GAD2: variants seen among roughly 807,000 people sequenced by gnomAD.
The protein encoded by GAD2 is glutamate decarboxylase 2, also known as 65 kDa glutamic acid decarboxylase.
A neutral mutation model predicts 80.1 loss-of-function variants in GAD2; 22 were observed. The observed-to-expected ratio is 0.27, with a 90% CI of 0.20 to 0.39. The LOEUF is 0.39. Ranked by LOEUF, GAD2 falls within the 10% of genes least tolerant of loss-of-function variation. The pLI is 1.00. For missense variants in GAD2, 624 were observed against 738.4 expected (o/e 0.85, Z 1.80); for synonymous variants, 274 against 256.9 (o/e 1.07, Z -0.64).
chr10:26,297,993 G>A (rs567909252), intron 15 of GAD2, among the ~76,000 whole-genome samples: 8 of 152,332 alleles, frequency 5.3e-5, no homozygotes, highest in African/African-American at 1.9e-4. Context: ...ATGTCAAAAG[G>A]TGAACTGTAG....
At chr10:26,219,317 A>C (rs1421257353) in intron 4 of GAD2, 41 bp downstream of exon 4, 7 of 1,268,842 alleles carry the variant, frequency 5.5e-6, no homozygotes, top group African/African-American at 1.5e-5. Flanking sequence ...TTTTTCGTTT[A>C]CAATTTTTAT....
intron 12 of GAD2, among the ~76,000 whole-genome samples, chr10:26,281,482 GGGT>G (rs928319076): frequency 2.0e-5 from 3 of 152,092 alleles, no homozygotes; most frequent in Non-Finnish European, 4.4e-5. Context: ...ATAGGATTAA[GGGT>G]GGTGGTAGGA....
intron 12 of GAD2, among the ~76,000 whole-genome samples, chr10:26,282,021 C>T (rs542599940): frequency 4.6e-5 from 7 of 152,244 alleles, no homozygotes; most frequent in East Asian, 1.9e-4. Context: ...TGGCACACTG[C>T]GATCTCTGCC....
At chr10:26,245,153 C>CA (rs1229625147) in intron 7 of GAD2, among the ~76,000 whole-genome samples, 783 of 51,620 alleles carry the variant, frequency 0.015, 6 homozygotes, top group South Asian at 0.034. Flanking sequence ...AACTCTGTCT[C>CA]AAAAAAAAAA....
intron 15 of GAD2, among the ~76,000 whole-genome samples, chr10:26,298,834 G>A (rs1319850707): frequency 3.3e-5 from 5 of 152,156 alleles, no homozygotes; most frequent in Non-Finnish European, 7.4e-5. Flanking sequence ...CAACACAAAG[G>A]ATAAATTCCA....
intron 8 of GAD2, among the ~76,000 whole-genome samples, chr10:26,246,433 A>G (rs7909909): frequency 0.026 from 4,011 of 152,240 alleles, 192 homozygotes; most frequent in African/African-American, 0.092. Context: ...CAACTCAACA[A>G]CTGGAACCAG....
At chr10:26,297,593 G>A (rs1834288221) in intron 15 of GAD2, among the ~76,000 whole-genome samples, 2 of 152,166 alleles carry the variant, frequency 1.3e-5, no homozygotes, top group South Asian at 4.1e-4. Flanking sequence ...CTTTATTTAG[G>A]AAAACTAGGA....
chr10:26,297,382 T>C (rs1834286169), intron 15 of GAD2, among the ~76,000 whole-genome samples: 1 of 152,234 alleles, frequency 6.6e-6, no homozygotes, highest in South Asian at 2.1e-4. Context: ...TGCTTTACTA[T>C]GCACCCTCTT....
chr10:26,237,642 G>C (rs988796987), intron 7 of GAD2, among the ~76,000 whole-genome samples: 8 of 152,074 alleles, frequency 5.3e-5, no homozygotes, highest in Non-Finnish European at 8.8e-5. Context: ...ACAGCCTTGG[G>C]AGAGTCTAGA....
At chr10:26,271,711 G>A (rs3781114) in intron 10 of GAD2, among the ~76,000 whole-genome samples, 46,766 of 152,058 alleles carry the variant, frequency 0.31, 9,863 homozygotes, top group African/African-American at 0.6. Context: ...ATCTAGCCCT[G>A]GCTTAGATCA....
intron 8 of GAD2, among the ~76,000 whole-genome samples, chr10:26,264,060 T>C (rs1426626511): frequency 6.6e-6 from 1 of 152,170 alleles, no homozygotes; most frequent in African/African-American, 2.4e-5. Flanking sequence ...ATAACAACAA[T>C]AACAATACTA....
chr10:26,284,238 A>G (rs974484466), intron 12 of GAD2, among the ~76,000 whole-genome samples: 1 of 152,198 alleles, frequency 6.6e-6, no homozygotes, highest in Admixed American at 6.5e-5. Context: ...AGTTTTAAAA[A>G]GGCTGGGATA....
intron 8 of GAD2, among the ~76,000 whole-genome samples, chr10:26,265,078 C>A (rs954657808): frequency 6.6e-6 from 1 of 152,150 alleles, no homozygotes; most frequent in African/African-American, 2.4e-5. Flanking sequence ...GTCCAAGGTA[C>A]ATTCTGTGTC....
At chr10:26,256,627 C>G (rs780987610) in intron 8 of GAD2, among the ~76,000 whole-genome samples, 1 of 152,126 alleles carries the variant, frequency 6.6e-6, no homozygotes, top group Non-Finnish European at 1.5e-5. Context: ...TTGGATTCAT[C>G]TGGTGTTTTC....
chr10:26,263,852 C>T (rs1371517487), intron 8 of GAD2, among the ~76,000 whole-genome samples: 1 of 152,168 alleles, frequency 6.6e-6, no homozygotes, highest in Non-Finnish European at 1.5e-5. Flanking sequence ...CTGGACCGCT[C>T]AATCCAGGGG....
rs140454757 is a variant in GAD2 at position 26,289,653 on chromosome 10, C to A, written c.1387-2812C>A. ...GTTGACTCTCCTCTTACGGAGTTGG[C>A]CTTTCATTTTGTCTGCATTTTATTA... On this transcript the variant is annotated intron_variant, in intron 13 of 15. Transcript: ENST00000376261. 4.6e-5 allele frequency among the ~76,000 whole-genome samples: 7 copies of A among 151,776 alleles called. No homozygotes were observed. The East Asian group carries it at 1.2e-3, about 25-fold the overall frequency.
At chr10:26,255,731 G>A (rs143442200) in intron 8 of GAD2, among the ~76,000 whole-genome samples, 29 of 152,074 alleles carry the variant, frequency 1.9e-4, no homozygotes, top group African/African-American at 5.5e-4. Context: ...ATAAAAAATC[G>A]CAAAGGTTTA....
At chr10:26,273,515 G>A (rs1845162478) in intron 10 of GAD2, 121 bp from the exon 11 acceptor site, 1 of 755,500 alleles carries the variant, frequency 1.3e-6, no homozygotes, top group Non-Finnish European at 2.3e-6. Context: ...GTGCCAGAAG[G>A]AGGTGGTCAA....
In GAD2 at chr10:26,286,752, A is replaced by G. The variant is rs777118248; in HGVS notation, c.1386+258A>G. ...AAATCCATTTTGCTTTATATAGCAG[A>G]ACACCTTGAATTTTAACAGGTGTTT... On this transcript the variant is annotated intron_variant, in intron 13 of 15. Transcript: ENST00000376261. 1.3e-4 allele frequency among the ~76,000 whole-genome samples: 20 copies of G among 152,212 alleles called. 1 individual carries two copies. The highest frequency in any genetic ancestry group is 7.2e-4 in the Admixed American group (11 of 15,274).
Sources: gnomAD v4.1 joint callset for allele counts (sites outside exome capture counted in the v4.1 genomes callset) on GRCh38, gnomAD v4.1.1 for gene constraint, MANE v1.5 for transcripts, NCBI Gene and HGNC (gene_info 2026-07-23, HGNC 2026-07-21) for gene names.